The following IL1R1 variants were observed in gnomAD, a reference collection of about 807,000 sequenced individuals.
IL1R1 encodes interleukin 1 receptor type 1, also known as interleukin-1 receptor type 1.
A neutral mutation model predicts 50.2 loss-of-function variants in IL1R1; 22 were observed. The ratio of observed to expected loss-of-function variants is 0.44; its 90% CI spans 0.31 to 0.63. The LOEUF (loss-of-function observed/expected upper bound fraction) is 0.63. IL1R1 is among the 20% of genes least tolerant of loss of function. The pLI is 0.07. For missense variants in IL1R1, 509 were observed against 676.2 expected (o/e 0.75, Z 2.74); for synonymous variants, 251 against 236.7 (o/e 1.06, Z -0.55).
At chr2:102,088,679 A>C (rs1202296346) in intron 1 of IL1R1, among the ~76,000 whole-genome samples, 2 of 152,232 alleles carry the variant, frequency 1.3e-5, no homozygotes, top group Non-Finnish European at 2.9e-5. Context: ...TTTCTCCACT[A>C]TAAAAGTCCT....
chr2:102,122,908 T>A lies in IL1R1; in HGVS notation c.-84+18036T>A, dbSNP rs187080163. Among the ~76,000 whole-genome samples, 4 of 152,308 alleles carry A rather than the reference T, an allele frequency of 2.6e-5. No individual in the cohort carries two copies. The East Asian group carries it at 7.7e-4, about 29-fold the overall frequency. On this transcript the variant is annotated intron_variant, in intron 1 of 10. Transcript: ENST00000409329. The stretch of plus-strand genomic sequence containing the variant: ...CAATGTAAAATTCTTGGGGAGAGCA[T>A]GTGAATGCTGTAGCTTTGGGTCTAG...
At chr2:102,170,968 T>C (rs1685617694) in intron 7 of IL1R1, among the ~76,000 whole-genome samples, 1 of 152,118 alleles carries the variant, frequency 6.6e-6, no homozygotes, top group Non-Finnish European at 1.5e-5. Flanking sequence ...GGCTGAGGCA[T>C]GAGAGTCACT....
At position 102,121,892 on chromosome 2, in the gene IL1R1, T is replaced by C. The variant is rs115009223; in HGVS notation, c.-84+17020T>C. On this transcript the variant is annotated intron_variant, in intron 1 of 10. Transcript: ENST00000409329. ...AACTCTATACTGGAGTTTAAAGCCA[T>C]GCAACACTTTTTTGTTCTCAGCCTT... is the stretch of plus-strand genomic sequence containing the variant. 6.8e-3 allele frequency among the ~76,000 whole-genome samples: 1,030 copies of C among 152,346 alleles called. 21 individuals carry two copies. The South Asian group carries it at 0.091, about 13-fold the overall frequency.
intron 1 of IL1R1, among the ~76,000 whole-genome samples, chr2:102,110,053 A>G (rs949936770): frequency 3.9e-5 from 6 of 152,168 alleles, no homozygotes; most frequent in African/African-American, 1.4e-4. Flanking sequence ...TTGCTTTTGG[A>G]GTGGTAACAC....
chr2:102,081,448 T>C (rs527482438), intron 1 of IL1R1, among the ~76,000 whole-genome samples: 1 of 152,286 alleles, frequency 6.6e-6, no homozygotes, highest in South Asian at 2.1e-4. Context: ...CCAGCCTGGC[T>C]CCACGGTGGT....
chr2:102,102,916 T>C (rs1374440730), upstream of IL1R1, among the ~76,000 whole-genome samples: 2 of 152,108 alleles, frequency 1.3e-5, no homozygotes. Flanking sequence ...AAATACTGCA[T>C]GGTCTCACTT....
rs201681036 is a variant in IL1R1 at position 102,176,754 on chromosome 2, G to C, written c.1705G>C (p.Gly569Arg). Reference protein sequence around the residue: ...KLQREAHVPLG With the variant: ...KLQREAHVPLR Reference sequence around the variant, plus strand: ...GCAAAGAGAGGCTCACGTGCCTCTCGGGTAGCATGGAGAAGTTGCCAAGAG... The same window carrying C: ...GCAAAGAGAGGCTCACGTGCCTCTCCGGTAGCATGGAGAAGTTGCCAAGAG... Residue 569 changes from glycine to arginine, a missense_variant, in exon 12 of 12, where the codon GGG (glycine) becomes CGG (arginine). Coordinates refer to ENST00000410023, the MANE Select transcript of IL1R1 (RefSeq NM_000877.4). 2 of 1,612,760 alleles carry C rather than the reference G, an allele frequency of 1.2e-6. No individual in the cohort carries two copies. Among genetic ancestry groups the C allele is most frequent in the African/African-American group, 2.7e-5 (2 of 74,854 alleles).
At chr2:102,170,915 G>A (rs1473632976) in intron 7 of IL1R1, among the ~76,000 whole-genome samples, 1 of 152,120 alleles carries the variant, frequency 6.6e-6, no homozygotes, top group African/African-American at 2.4e-5. Context: ...ACAAAAATTA[G>A]CTGGGTGTGG....
intron 1 of IL1R1, among the ~76,000 whole-genome samples, chr2:102,124,113 TCTGCA>T (rs1248418342): frequency 6.6e-6 from 1 of 152,168 alleles, no homozygotes; most frequent in African/African-American, 2.4e-5. Flanking sequence ...TTAGTCTGTT[TCTGCA>T]CTGCTGTAAA....
chr2:102,140,973 A>T (rs896307366), upstream of IL1R1, among the ~76,000 whole-genome samples: 1 of 152,162 alleles, frequency 6.6e-6, no homozygotes, highest in Non-Finnish European at 1.5e-5. Context: ...AAAAGACAAA[A>T]ATTACGGATT....
At chr2:102,083,133 T>A (rs1679287418) in intron 1 of IL1R1, among the ~76,000 whole-genome samples, 1 of 152,190 alleles carries the variant, frequency 6.6e-6, no homozygotes, top group South Asian at 2.1e-4. Context: ...AAGTGCTGAC[T>A]GATTTCCTGA....
intron 1 of IL1R1, among the ~76,000 whole-genome samples, chr2:102,144,317 C>T (rs187360720): frequency 2.0e-4 from 30 of 152,238 alleles, no homozygotes; most frequent in Admixed American, 1.8e-3. Context: ...GTGTGTGAAG[C>T]GTCTCCTGCA....
At position 102,164,930 on chromosome 2, in the gene IL1R1, G is replaced by C; in HGVS notation, c.218G>C (p.Arg73Thr). 1.2e-6 allele frequency: 2 copies of C among 1,614,070 alleles called. No homozygotes were observed. The highest frequency in any genetic ancestry group is 1.7e-6 in the Non-Finnish European group (2 of 1,179,988). The change falls in exon 4 of 12, where the codon AGG becomes ACG. Residue 73 changes from arginine (R) to threonine (T), a missense_variant. Physicochemically the swap from Arg to Thr is moderately conservative, Grantham distance 71 (BLOSUM62 -1). Transcript: ENST00000410023. The stretch of plus-strand genomic sequence containing the variant: ...CCTGTATCTACAGAACAAGCCTCCA[G>C]GATTCATCAACACAAAGAGAAACTT... Reference protein sequence around the residue: ...KTPVSTEQASRIHQHKEKLWF... With the variant: ...KTPVSTEQASTIHQHKEKLWF...
intron 1 of IL1R1, among the ~76,000 whole-genome samples, chr2:102,117,573 C>T (rs112437560): frequency 0.016 from 2,462 of 152,294 alleles, 42 homozygotes; most frequent in Admixed American, 0.051. Context: ...TCTGAATATC[C>T]GTCCTAATTT....
rs142722712 is a variant in IL1R1, at chr2:102,172,706, A to G, written c.859A>G (p.Lys287Glu). The change falls in exon 9 of 12, where the codon AAA becomes GAA. Residue 287 changes from lysine to glutamate, a missense_variant. Physicochemically the swap from Lys to Glu is moderately conservative, Grantham distance 56. Transcript: ENST00000410023. Reference sequence around the variant, plus strand: ...GAATAGTGTGGAAAATCCTGCAAACAAAAGAAGGAGTACCCTCATCACAGT... The same window carrying G: ...GAATAGTGTGGAAAATCCTGCAAACGAAAGAAGGAGTACCCTCATCACAGT... The part of the protein sequence containing the change: ...DYYSVENPAN[K>E]RRSTLITVLN... 8.7e-6 allele frequency: 14 copies of G among 1,604,514 alleles called. No individual in the cohort carries two copies. The highest frequency in any genetic ancestry group is 1.1e-5 in the Non-Finnish European group (13 of 1,176,696).
chr2:102,161,369 GT>G (rs1433727363), intron 3 of IL1R1, among the ~76,000 whole-genome samples: 5 of 152,300 alleles, frequency 3.3e-5, no homozygotes, highest in African/African-American at 1.2e-4. Flanking sequence ...AATTTGCTAA[GT>G]TTTATGTGTG....
intron 1 of IL1R1, among the ~76,000 whole-genome samples, chr2:102,126,708 C>A (rs1293129276): frequency 6.6e-6 from 1 of 152,022 alleles, no homozygotes; most frequent in Non-Finnish European, 1.5e-5. Context: ...CAAAAATACT[C>A]CCGCTTGTAT....
chr2:102,072,194 A>C (rs1008463467), intron 1 of IL1R1, among the ~76,000 whole-genome samples: 3 of 149,970 alleles, frequency 2.0e-5, no homozygotes, highest in South Asian at 2.1e-4. Context: ...CGGGAGGTGG[A>C]GGTTGCAGTG....
At position 102,122,323 on chromosome 2, in the gene IL1R1, T is replaced by A. The variant is rs572348639; in HGVS notation, c.-84+17451T>A. 7.9e-5 allele frequency among the ~76,000 whole-genome samples: 12 copies of A among 152,330 alleles called. No homozygotes were observed. The South Asian group carries it at 2.3e-3, about 29-fold the overall frequency. On this transcript the variant is annotated intron_variant, in intron 1 of 10. Transcript: ENST00000409329. ...TAATGAGTGTGAGACATGGAGAGAC[T>A]GCATTTCTGAGTCAGGCCTGCTGAG... is the stretch of plus-strand genomic sequence containing the variant.
Sources: gnomAD v4.1 joint callset for allele counts (sites outside exome capture counted in the v4.1 genomes callset) on GRCh38, gnomAD v4.1.1 for gene constraint, MANE v1.5 for transcripts, NCBI Gene and HGNC (gene_info 2026-07-23, HGNC 2026-07-21) for gene names.